The following FLI1 variants were observed in gnomAD, a reference collection of about 807,000 sequenced individuals.
FLI1 encodes the protein Fli-1 proto-oncogene, ETS transcription factor.
A neutral mutation model predicts 53.1 loss-of-function variants in FLI1; 13 were observed. The ratio of observed to expected loss-of-function variants is 0.24; its 90% CI spans 0.16 to 0.39. The LOEUF (loss-of-function observed/expected upper bound fraction) is 0.39. FLI1 is among the 10% of genes least tolerant of loss of function. FLI1 has a pLI of 1.00. For missense variants in FLI1, 424 were observed against 600.5 expected (o/e 0.71, Z 3.07); for synonymous variants, 244 against 236.7 (o/e 1.03, Z -0.28).
rs1225819855 is a variant in FLI1, at chr11:128,728,397, C to A, written c.19-29718C>A. 2.6e-5 allele frequency among the ~76,000 whole-genome samples: 4 copies of A among 152,406 alleles called. 1 individual carries two copies. The South Asian group carries it at 8.3e-4, about 32-fold the overall frequency. On this transcript the variant is annotated intron_variant, in intron 1 of 8. Transcript: ENST00000527786. ...CCTTTGCTGCGCAATGAGGGTGCTGCGGCAGAGGCCGCACCTCTTAGCTGT... is the reference window on the plus strand; with the variant it reads ...CCTTTGCTGCGCAATGAGGGTGCTGAGGCAGAGGCCGCACCTCTTAGCTGT...
At chr11:128,809,680 A>G (rs961653215) in intron 8 of FLI1, among the ~76,000 whole-genome samples, 1 of 152,152 alleles carries the variant, frequency 6.6e-6, no homozygotes, top group Admixed American at 6.5e-5. Context: ...AGTCAATTTG[A>G]CCTTGTACTT....
intron 1 of FLI1, among the ~76,000 whole-genome samples, chr11:128,698,290 G>T (rs1273419340): frequency 6.6e-6 from 1 of 152,168 alleles, no homozygotes; most frequent in Non-Finnish European, 1.5e-5. Context: ...CATGTCACCT[G>T]GATTCACAAG....
Position 128,759,111 on chromosome 11 carries a change from C to T in FLI1, c.230+785C>T, listed in dbSNP as rs182546802. On this transcript the variant is annotated intron_variant, in intron 2 of 8. Coordinates refer to ENST00000527786, the MANE Select transcript of FLI1 (RefSeq NM_002017.5). ...AAAGGACCTGGGATGGTGCCTGAGA[C>T]GCGTTAGGAAAGTGCTCTATAGTGA... Among the ~76,000 whole-genome samples, 356 of 152,294 alleles carry T rather than the reference C, an allele frequency of 2.3e-3. 2 individuals carry two copies. The highest frequency in any genetic ancestry group is 3.6e-3 in the Non-Finnish European group (242 of 68,026).
chr11:128,733,299 G>A (rs771215940), intron 1 of FLI1, among the ~76,000 whole-genome samples: 1 of 152,124 alleles, frequency 6.6e-6, no homozygotes, highest in Non-Finnish European at 1.5e-5. Flanking sequence ...TAATTCACTG[G>A]ATCTGGAATG....
intron 1 of FLI1, among the ~76,000 whole-genome samples, chr11:128,700,874 A>G (rs549152595): frequency 1.3e-5 from 2 of 152,308 alleles, no homozygotes; most frequent in African/African-American, 4.8e-5. Flanking sequence ...ACCTGCCTCA[A>G]AATAATAATA....
intron 1 of FLI1, among the ~76,000 whole-genome samples, chr11:128,751,830 G>GTTT (rs1160739913): frequency 2.6e-4 from 35 of 133,526 alleles, no homozygotes; most frequent in African/African-American, 8.9e-4. Flanking sequence ...TTTTGGGTTT[G>GTTT]TTTTTTTTTT....
intron 5 of FLI1, among the ~76,000 whole-genome samples, chr11:128,791,994 C>T (rs910303073): frequency 6.6e-6 from 1 of 152,334 alleles, no homozygotes. Flanking sequence ...CCTTTCTTCA[C>T]TTATGCCCCA....
intron 3 of FLI1, among the ~76,000 whole-genome samples, chr11:128,770,402 C>T (rs942165528): frequency 1.6e-4 from 24 of 152,154 alleles, no homozygotes; most frequent in Admixed American, 7.9e-4. Flanking sequence ...GGCAAGTCCA[C>T]AAATCAAGGC....
At chr11:128,751,825 G>GTTTTT (rs1234798086) in intron 1 of FLI1, among the ~76,000 whole-genome samples, 6 of 140,734 alleles carry the variant, frequency 4.3e-5, no homozygotes, top group African/African-American at 1.4e-4. Context: ...TTTTTTTTTG[G>GTTTTT]GTTTGTTTTT....
At chr11:128,776,669 C>T (rs1262477696) in intron 4 of FLI1, among the ~76,000 whole-genome samples, 2 of 152,168 alleles carry the variant, frequency 1.3e-5, no homozygotes, top group African/African-American at 2.4e-5. Flanking sequence ...AAAAGGTTGC[C>T]CCCTTGTGGA....
chr11:128,688,032 A>T (rs1324409820), intron 1 of FLI1, among the ~76,000 whole-genome samples: 1 of 152,230 alleles, frequency 6.6e-6, no homozygotes, highest in Non-Finnish European at 1.5e-5. Context: ...GTTTAGGAAG[A>T]GTACTCGGGT....
chr11:128,811,766 A>G lies in FLI1; in HGVS notation c.*778A>G, dbSNP rs1384634537. 9.8e-6 allele frequency: 2 copies of G among 203,362 alleles called. No individual in the cohort carries two copies. The highest frequency in any genetic ancestry group is 4.6e-5 in the African/African-American group (2 of 43,582). 12.6% of individuals were successfully genotyped at this position (203,362 alleles called of 1,614,324 possible). Reference sequence around the variant, plus strand: ...TGTAGGGATTTCTAAACTCAAGCAGATTCGCAAGTGCTGTGCGCTTGTCAG... The same window carrying G: ...TGTAGGGATTTCTAAACTCAAGCAGGTTCGCAAGTGCTGTGCGCTTGTCAG... On this transcript the variant is annotated 3_prime_UTR_variant, in exon 9 of 9. Transcript: ENST00000527786.
chr11:128,702,948 T>TAAAGCATAAATGTCCTATCATACAA (rs1307278129), intron 1 of FLI1, among the ~76,000 whole-genome samples: 1 of 150,218 alleles, frequency 6.7e-6, no homozygotes, highest in Non-Finnish European at 1.5e-5. Context: ...TTATCATACA[T>TAAAGCATAAATGTCCTATCATACAA]AAAGCATAAA....
At position 128,809,140 on chromosome 11, in the gene FLI1, C is replaced by T; in HGVS notation, c.782-17C>T. ...TTTTAAAAACACTGAAGCAAATTTC[C>T]TTTTTTATTTCCTTAGATCCGTATC... On this transcript the variant is annotated splice_polypyrimidine_tract_variant and intron_variant, in intron 7 of 8. Coordinates refer to ENST00000527786, the MANE Select transcript of FLI1 (RefSeq NM_002017.5). 6.2e-7 allele frequency: 1 copy of T among 1,611,806 alleles called. No homozygotes were observed. The highest frequency in any genetic ancestry group is 1.1e-5 in the South Asian group (1 of 90,982).
chr11:128,796,244 C>T (rs1942441380), intron 5 of FLI1, among the ~76,000 whole-genome samples: 1 of 152,192 alleles, frequency 6.6e-6, no homozygotes, highest in African/African-American at 2.4e-5. Context: ...TTAGGTATCA[C>T]TCTTCCAAAG....
At chr11:128,802,638 G>A (rs906626068) in intron 5 of FLI1, among the ~76,000 whole-genome samples, 2 of 152,254 alleles carry the variant, frequency 1.3e-5, no homozygotes, top group Non-Finnish European at 2.9e-5. Flanking sequence ...GACTTCCAAA[G>A]TCCTGTTAGC....
At chr11:128,780,808 G>A (rs537950549) in intron 4 of FLI1, among the ~76,000 whole-genome samples, 5 of 152,244 alleles carry the variant, frequency 3.3e-5, no homozygotes, top group East Asian at 1.9e-4. Context: ...CACAGGGAGC[G>A]GGGAAAAGGG....
chr11:128,725,207 G>T (rs750442661), intron 1 of FLI1, among the ~76,000 whole-genome samples: 1 of 152,224 alleles, frequency 6.6e-6, no homozygotes, highest in Non-Finnish European at 1.5e-5. Flanking sequence ...AAGATATATG[G>T]CTGCATAGGC....
intron 1 of FLI1, among the ~76,000 whole-genome samples, chr11:128,755,641 A>T (rs1940828694): frequency 1.3e-5 from 2 of 152,262 alleles, no homozygotes; most frequent in African/African-American, 2.4e-5. Flanking sequence ...TCAAGAGTGG[A>T]TATAATAACC....
Sources: gnomAD v4.1 joint callset for allele counts (sites outside exome capture counted in the v4.1 genomes callset) on GRCh38, gnomAD v4.1.1 for gene constraint, MANE v1.5 for transcripts, NCBI Gene and HGNC (gene_info 2026-07-23, HGNC 2026-07-21) for gene names.